The following KIF15 variants were observed in gnomAD, a reference collection of about 807,000 sequenced individuals.
The protein encoded by KIF15 is kinesin-like protein KIF15.
Under a neutral mutation model 190.6 loss-of-function variants are expected in KIF15, and 140 were observed. The ratio of observed to expected loss-of-function variants is 0.73; its 90% CI spans 0.64 to 0.84. The LOEUF (loss-of-function observed/expected upper bound fraction) is 0.84, where lower values mean the gene tolerates loss of function less well. KIF15 is among the 40% of genes least tolerant of loss of function. KIF15 has a pLI of 0.00. For missense variants in KIF15, 1,372 were observed against 1,584.4 expected (o/e 0.87, Z 2.28); for synonymous variants, 528 against 551.3 (o/e 0.96, Z 0.59).
chr3:44,850,192 C>G (rs1699012411), intron 32 of KIF15, among the ~76,000 whole-genome samples: 1 of 152,128 alleles, frequency 6.6e-6, no homozygotes. Flanking sequence ...CTGACAAAGA[C>G]CACCCAATTT....
chr3:44,835,714 T>A (rs1698276676), intron 26 of KIF15, among the ~76,000 whole-genome samples: 1 of 152,162 alleles, frequency 6.6e-6, no homozygotes, highest in African/African-American at 2.4e-5. Flanking sequence ...ACTTTGAACA[T>A]CCACAAATAG....
chr3:44,852,610 A>C, intron 34 of KIF15, 63 bp from the exon 35 acceptor site: 1 of 1,293,788 alleles, frequency 7.7e-7, no homozygotes, highest in Non-Finnish European at 1.1e-6. Context: ...TGCAAAAAAA[A>C]ACCACTTCCT....
intron 1 of KIF15, among the ~76,000 whole-genome samples, chr3:44,762,823 T>C (rs1705210526): frequency 6.6e-6 from 1 of 152,084 alleles, no homozygotes; most frequent in Non-Finnish European, 1.5e-5. Flanking sequence ...AAAATATTCC[T>C]TTTCCTTTCA....
At chr3:44,770,847 A>G (rs1288271083) in intron 1 of KIF15, among the ~76,000 whole-genome samples, 1 of 152,238 alleles carries the variant, frequency 6.6e-6, no homozygotes, top group Non-Finnish European at 1.5e-5. Flanking sequence ...ATAGTTCAAA[A>G]TAAGTTTCCT....
At chr3:44,829,743 G>GTA (rs1404802535) in intron 24 of KIF15, among the ~76,000 whole-genome samples, 2 of 135,176 alleles carry the variant, frequency 1.5e-5, no homozygotes, top group Non-Finnish European at 3.1e-5. Context: ...TATTATATAT[G>GTA]TATATATTAT....
chr3:44,781,028 T>G, intron 5 of KIF15, 106 bp downstream of exon 5: 3 of 824,264 alleles, frequency 3.6e-6, no homozygotes, highest in Non-Finnish European at 5.8e-6. Flanking sequence ...TGTTGATCTC[T>G]TGAAATTAGG....
At chr3:44,772,782 C>A (rs928423046) in intron 1 of KIF15, among the ~76,000 whole-genome samples, 1 of 152,164 alleles carries the variant, frequency 6.6e-6, no homozygotes, top group African/African-American at 2.4e-5. Flanking sequence ...AGGACTCATT[C>A]CTTAAGCCAG....
At chr3:44,829,744 T>C (rs953243504) in intron 24 of KIF15, among the ~76,000 whole-genome samples, 1 of 139,694 alleles carries the variant, frequency 7.2e-6, no homozygotes, top group Non-Finnish European at 1.5e-5. Context: ...ATTATATATG[T>C]ATATATTATA....
At chr3:44,792,001 G>A (rs770078255) in intron 7 of KIF15, among the ~76,000 whole-genome samples, 46 of 152,228 alleles carry the variant, frequency 3.0e-4, no homozygotes, top group Non-Finnish European at 5.7e-4. Flanking sequence ...TTACAGGCGT[G>A]AGCCATAGTG....
chr3:44,866,055 G>GT (rs892157785), intron 6 of KIF15, among the ~76,000 whole-genome samples: 2 of 146,116 alleles, frequency 1.4e-5, no homozygotes, highest in Non-Finnish European at 3.0e-5. Context: ...GTTTTTTTTT[G>GT]TTTTTTGTTT....
chr3:44,825,059 C>T (rs1250579665), intron 20 of KIF15, among the ~76,000 whole-genome samples: 2 of 152,218 alleles, frequency 1.3e-5, no homozygotes, highest in African/African-American at 4.8e-5. Flanking sequence ...TGTGCCCAGC[C>T]TCTTCCTAGC....
rs762241225 is a variant in KIF15, at chr3:44,794,457, G to A, written c.849+31G>A. The A allele has an allele frequency of 4.6e-6, 7 of 1,511,276 alleles. No homozygotes were observed. The East Asian group carries it at 6.8e-5, about 15-fold the overall frequency. 93.6% of individuals were successfully genotyped at this position (1,511,276 alleles called of 1,614,324 possible). ...AATGAAATTATGGTCTTCAACTTGT[G>A]TGTGAGTTCTTACTAGCAGTCAATA... On this transcript the variant is annotated intron_variant, in intron 8 of 34. Coordinates refer to ENST00000326047, the MANE Select transcript of KIF15 (RefSeq NM_020242.3).
intron 16 of KIF15, among the ~76,000 whole-genome samples, chr3:44,807,467 C>T (rs768017559): frequency 1.2e-4 from 19 of 152,006 alleles, no homozygotes; most frequent in Admixed American, 3.3e-4. Context: ...TCAGGTGATC[C>T]GCCCGTCTCG....
chr3:44,780,820 T>G, intron 4 of KIF15, 65 bp from the exon 5 acceptor site: 2 of 1,061,094 alleles, frequency 1.9e-6, no homozygotes, highest in Non-Finnish European at 2.8e-6. Flanking sequence ...TACACTAGTA[T>G]TATAATAGGA....
chr3:44,791,613 TG>T (rs1430636302), intron 7 of KIF15, among the ~76,000 whole-genome samples: 9 of 152,218 alleles, frequency 5.9e-5, no homozygotes, highest in African/African-American at 2.2e-4. Flanking sequence ...TTTTTGTTTT[TG>T]ATTTTTTATT....
chr3:44,861,876 C>T (rs919844424), intron 6 of KIF15: 2 of 1,487,192 alleles, frequency 1.3e-6, no homozygotes, highest in Non-Finnish European at 1.8e-6. Flanking sequence ...TCGCGGCGCG[C>T]GCTCTGCCCT....
chr3:44,791,863 G>C (rs1706717545), intron 7 of KIF15, among the ~76,000 whole-genome samples: 2 of 152,060 alleles, frequency 1.3e-5, no homozygotes, highest in South Asian at 4.1e-4. Context: ...GATTATAGCT[G>C]TCTGCCACCA....
intron 20 of KIF15, among the ~76,000 whole-genome samples, chr3:44,820,704 A>G (rs987984395): frequency 9.9e-5 from 15 of 152,076 alleles, no homozygotes; most frequent in African/African-American, 3.1e-4. Context: ...AGGCAGAAGA[A>G]TTTTTCTTAG....
chr3:44,863,705 G>C (rs1425798364), intron 6 of KIF15: 2 of 161,022 alleles, frequency 1.2e-5, no homozygotes, highest in Non-Finnish European at 2.8e-5. Flanking sequence ...ATACCCAGAG[G>C]GGGTCAGCCT....
Sources: gnomAD v4.1 joint callset for allele counts (sites outside exome capture counted in the v4.1 genomes callset) on GRCh38, gnomAD v4.1.1 for gene constraint, MANE v1.5 for transcripts, NCBI Gene and HGNC (gene_info 2026-07-23, HGNC 2026-07-21) for gene names.